MBNL2: variants seen among roughly 807,000 people sequenced by gnomAD.
MBNL2 encodes muscleblind like splicing regulator 2, also known as muscleblind-like protein 2.
In MBNL2, 17 loss-of-function variants were observed where a neutral mutation model predicts 41.9. The ratio of observed to expected loss-of-function variants is 0.41; its 90% confidence interval spans 0.28 to 0.61. MBNL2 has a LOEUF of 0.61. Ranked by LOEUF, MBNL2 falls within the 20% of genes least tolerant of loss-of-function variation. The pLI, the probability that MBNL2 is intolerant of heterozygous loss-of-function variation, is 0.35. For synonymous variants in MBNL2, 195 were observed against 182.9 expected (o/e 1.07, Z -0.53); for missense variants, 336 against 505.6 (o/e 0.66, Z 3.22).
chr13:97,211,106 A>G, the MBNL2 span, among the ~76,000 whole-genome samples: 1 of 152,174 alleles, frequency 6.6e-6, no homozygotes, highest in Non-Finnish European at 1.5e-5. Flanking sequence ...ACAAACTTCC[A>G]GGGAGTTAAA....
chr13:97,160,787 T>C, the MBNL2 span, among the ~76,000 whole-genome samples: 1 of 152,234 alleles, frequency 6.6e-6, no homozygotes, highest in Admixed American at 6.5e-5. Flanking sequence ...GAGTTGTTGA[T>C]TTTACAGCCT....
At chr13:97,374,566 G>A (rs2064783601) in intron 8 of MBNL2, among the ~76,000 whole-genome samples, 1 of 151,460 alleles carries the variant, frequency 6.6e-6, no homozygotes, top group Non-Finnish European at 1.5e-5. Flanking sequence ...GCTCATTTTT[G>A]TATTTTTAGT....
intron 5 of MBNL2, among the ~76,000 whole-genome samples, chr13:97,353,822 G>T (rs778728010): frequency 6.6e-6 from 1 of 152,132 alleles, no homozygotes; most frequent in Non-Finnish European, 1.5e-5. Context: ...AACAAGACAA[G>T]CTGCCGTCAG....
chr13:97,190,879 AT>A, the MBNL2 span, among the ~76,000 whole-genome samples: 2 of 152,198 alleles, frequency 1.3e-5, no homozygotes, highest in African/African-American at 4.8e-5. Context: ...TCAGGAACTG[AT>A]TTCATCTCCT....
chr13:97,245,811 T>G (rs1452330873), intron 1 of MBNL2, among the ~76,000 whole-genome samples: 1 of 152,244 alleles, frequency 6.6e-6, no homozygotes, highest in East Asian at 1.9e-4. Context: ...AAGAAAATAC[T>G]TAGTTCCTTC....
the MBNL2 span, among the ~76,000 whole-genome samples, chr13:97,152,808 G>T: frequency 3.3e-5 from 5 of 152,090 alleles, no homozygotes; most frequent in African/African-American, 1.2e-4. Context: ...TCTCAAATGA[G>T]GGAGTATATC....
the MBNL2 span, among the ~76,000 whole-genome samples, chr13:97,155,866 T>C: frequency 2.1e-5 from 3 of 146,326 alleles, no homozygotes; most frequent in Non-Finnish European, 4.5e-5. Context: ...TACGTGTGCA[T>C]GTGTCTTTAT....
chr13:97,166,829 TAGATAGATAGAA>T, the MBNL2 span, among the ~76,000 whole-genome samples: 14 of 117,800 alleles, frequency 1.2e-4, no homozygotes, highest in South Asian at 3.1e-4. Context: ...GATAGATAGA[TAGATAGATAGAA>T]AGATAGATAG....
In MBNL2 at chr13:97,366,551, C is replaced by A; in HGVS notation, c.1048+1380C>A. The A allele has an allele frequency of 3.1e-6, 5 of 1,600,546 alleles. No homozygotes were observed. The highest frequency in any genetic ancestry group is 4.3e-6 in the Non-Finnish European group (5 of 1,168,672). On this transcript the variant is annotated intron_variant, in intron 8 of 8. Transcript: ENST00000679496. This position sits in a 1 kb window ranked among gnomAD's most constrained non-coding sequence, Gnocchi z 4.7. ...CTTCGCAGCAACAGCCACAGCCAAT[C>A]AGGTTTGCTCCTTTTAAAGCTTTCT...
At chr13:97,203,632 CTGAT>C in the MBNL2 span, among the ~76,000 whole-genome samples, 3 of 152,192 alleles carry the variant, frequency 2.0e-5, no homozygotes, top group Non-Finnish European at 4.4e-5. Context: ...CCCCTGCCAA[CTGAT>C]TGATACCGTC....
the MBNL2 span, among the ~76,000 whole-genome samples, chr13:97,166,829 T>TAGAAAGAA: frequency 1.6e-3 from 186 of 117,894 alleles, 1 homozygote; most frequent in East Asian, 5.4e-3. Flanking sequence ...GATAGATAGA[T>TAGAAAGAA]AGATAGATAG....
At chr13:97,368,242 T>C (rs574963351) in intron 8 of MBNL2, among the ~76,000 whole-genome samples, 1 of 151,992 alleles carries the variant, frequency 6.6e-6, no homozygotes, top group Non-Finnish European at 1.5e-5. Flanking sequence ...AAATCTGGTC[T>C]CTACAAAAAT....
At chr13:97,384,101 A>ACGTTGG (rs905921522) in intron 8 of MBNL2, among the ~76,000 whole-genome samples, 1 of 151,984 alleles carries the variant, frequency 6.6e-6, no homozygotes, top group Non-Finnish European at 1.5e-5. Flanking sequence ...GGTTTCAACC[A>ACGTTGG]CGTTGGCCAG....
the MBNL2 span, among the ~76,000 whole-genome samples, chr13:97,184,209 G>A: frequency 1.8e-4 from 28 of 152,176 alleles, no homozygotes; most frequent in African/African-American, 6.5e-4. Context: ...AAGATATAGA[G>A]AGTATCAATT....
intron 2 of MBNL2, among the ~76,000 whole-genome samples, chr13:97,295,382 A>C (rs1169881076): frequency 6.6e-6 from 1 of 152,102 alleles, no homozygotes; most frequent in African/African-American, 2.4e-5. Flanking sequence ...CTAATTGCTA[A>C]AGTGGCCAAT....
intron 8 of MBNL2, among the ~76,000 whole-genome samples, chr13:97,386,104 ACT>A (rs2065902105): frequency 6.6e-6 from 1 of 152,118 alleles, no homozygotes; most frequent in Non-Finnish European, 1.5e-5. Flanking sequence ...TTGGTCACAT[ACT>A]CTCTTTCTTT....
intron 1 of MBNL2, among the ~76,000 whole-genome samples, chr13:97,233,946 A>G (rs2152792190): frequency 6.8e-6 from 1 of 147,572 alleles, no homozygotes; most frequent in East Asian, 2.0e-4. Context: ...CCACCACACC[A>G]CTCCTTGGAG....
intron 2 of MBNL2, among the ~76,000 whole-genome samples, chr13:97,292,200 C>CA (rs34473435): frequency 0.17 from 11,495 of 68,874 alleles, 863 homozygotes; most frequent in African/African-American, 0.21. Flanking sequence ...GACTCCATCT[C>CA]AAAAAAAAAA....
the MBNL2 span, among the ~76,000 whole-genome samples, chr13:97,205,363 C>T: frequency 0.058 from 8,746 of 151,100 alleles, 301 homozygotes; most frequent in Middle Eastern, 0.069. Flanking sequence ...GCACTCTAGC[C>T]TGGGTGACAG....
Sources: allele counts gnomAD v4.1 joint callset (sites outside exome capture counted in the v4.1 genomes callset), GRCh38; gene constraint gnomAD v4.1.1; non-coding constraint Gnocchi (gnomAD v3.1); transcripts MANE v1.5; gene names NCBI Gene and HGNC (gene_info 2026-07-23, HGNC 2026-07-21).